PLCE1: variants seen among roughly 807,000 people sequenced by gnomAD.
PLCE1 encodes the protein phospholipase C epsilon 1, also known as 1-phosphatidylinositol 4,5-bisphosphate phosphodiesterase epsilon-1.
A neutral mutation model predicts 242.8 loss-of-function variants in PLCE1; 119 were observed. The observed-to-expected ratio is 0.49, with a 90% confidence interval of 0.42 to 0.57. PLCE1 has a LOEUF of 0.57. Among genes scored for constraint, PLCE1 ranks in the 20% least tolerant of loss-of-function variants. PLCE1 has a pLI of 0.00. For missense variants in PLCE1, 2,441 were observed against 2,788.8 expected, an observed-to-expected ratio of 0.88 and a Z score of 2.81; for synonymous variants, 945 against 1,017.4, an observed-to-expected ratio of 0.93 and a Z score of 1.35.
chr10:94,098,192 G>A (rs1431918940), intron 2 of PLCE1, among the ~76,000 whole-genome samples: 1 of 152,178 alleles, frequency 6.6e-6, no homozygotes, highest in Non-Finnish European at 1.5e-5. Flanking sequence ...CAAAATGGAA[G>A]ATTGCTGGGG....
chr10:94,221,967 C>A (rs1217376434), intron 4 of PLCE1, among the ~76,000 whole-genome samples: 1 of 152,122 alleles, frequency 6.6e-6, no homozygotes, highest in African/African-American at 2.4e-5. Flanking sequence ...AGTGTTCAGG[C>A]CTTTTCCCAA....
In PLCE1 at chr10:94,263,224, C is replaced by T. The variant is rs1214888274; in HGVS notation, c.4053+492C>T. Among the ~76,000 whole-genome samples the T allele has an allele frequency of 3.3e-5, 5 of 151,722 alleles. No individual in the cohort carries two copies. In the East Asian group the frequency reaches 9.7e-4, roughly 29 times the overall value. The stretch of plus-strand genomic sequence containing the variant: ...CCAAGTATGTTTTTTAACAAAATAC[C>T]AAGTATGGGCTGGGTGTGGTGGTTC... On this transcript the variant is annotated intron_variant, in intron 14 of 32. Coordinates refer to ENST00000371380, the MANE Select transcript of PLCE1 (RefSeq NM_016341.4).
intron 4 of PLCE1, among the ~76,000 whole-genome samples, chr10:94,226,439 G>A (rs2049942227): frequency 6.6e-6 from 1 of 152,092 alleles, no homozygotes; most frequent in East Asian, 1.9e-4. Context: ...TCTTAGAATT[G>A]TTGTGAGAGA....
chr10:94,234,340 T>A (rs1240702201), intron 6 of PLCE1, 28 bp downstream of exon 6: 1 of 1,611,342 alleles, frequency 6.2e-7, no homozygotes, highest in Admixed American at 1.7e-5. Context: ...CATCGTGGCC[T>A]GAAGAGCCAC....
At chr10:94,040,119 T>A (rs1262268346) in intron 2 of PLCE1, among the ~76,000 whole-genome samples, 1 of 152,166 alleles carries the variant, frequency 6.6e-6, no homozygotes, top group African/African-American at 2.4e-5. Context: ...CTTTCAAATA[T>A]GATTAAAAAT....
intron 2 of PLCE1, among the ~76,000 whole-genome samples, chr10:94,063,237 C>G (rs1370266300): frequency 3.3e-5 from 5 of 152,214 alleles, no homozygotes; most frequent in Non-Finnish European, 5.9e-5. Context: ...ATCACATACT[C>G]TGCTGTATTC....
chr10:94,168,607 C>T lies in PLCE1; in HGVS notation c.1493-2573C>T, dbSNP rs1298374026. On this transcript the variant is annotated intron_variant, in intron 3 of 32. Transcript: ENST00000371380. ...GGCCTCTCTTATTGCTGTTTCCCAC[C>T]AGTCACTAGACTTGTTATTCATTGT... is the stretch of plus-strand genomic sequence containing the variant. 2.6e-5 allele frequency among the ~76,000 whole-genome samples: 4 copies of T among 152,172 alleles called. No individual in the cohort carries two copies. The East Asian group carries it at 7.7e-4, about 29-fold the overall frequency.
At chr10:94,173,521 AG>A (rs1187159374) in intron 4 of PLCE1, among the ~76,000 whole-genome samples, 1 of 152,216 alleles carries the variant, frequency 6.6e-6, no homozygotes, top group East Asian at 1.9e-4. Flanking sequence ...TCACATCCTT[AG>A]GACCCTATCT....
rs1435468950 is a variant in PLCE1 at position 94,331,789 on chromosome 10, G to A, written c.*3846G>A. ...TTCCTAAAAGCAATCCTTGGCTGAT[G>A]GCTATGGATTCTGACATAGGAATAC... On this transcript the variant is annotated 3_prime_UTR_variant, in exon 33 of 33. Transcript: ENST00000371380. 2 of 151,862 alleles carry A rather than the reference G, an allele frequency of 1.3e-5. No individual in the cohort carries two copies. Among genetic ancestry groups the A allele is most frequent in the Admixed American group, 1.3e-4 (2 of 15,252 alleles). 9.4% of individuals were successfully genotyped at this position (151,862 alleles called of 1,614,324 possible). A position where few individuals can be genotyped will look rare whatever the true frequency, so the allele number is the denominator to read the frequency against.
intron 3 of PLCE1, among the ~76,000 whole-genome samples, chr10:94,135,371 T>C (rs1241033306): frequency 6.6e-6 from 1 of 152,236 alleles, no homozygotes; most frequent in Non-Finnish European, 1.5e-5. Flanking sequence ...GATGGCCATG[T>C]ACTCTGCCAG....
chr10:94,190,400 G>A lies in PLCE1; in HGVS notation c.1809+18904G>A, dbSNP rs538169441. Among the ~76,000 whole-genome samples the A allele has an allele frequency of 2.0e-5, 3 of 152,168 alleles. No homozygotes were observed. In the South Asian group the frequency reaches 6.3e-4, roughly 32 times the overall value. ...GAGGCAAAAGGATTGCTTCAGGCTA[G>A]CAGTTTAAGACCAGCCTGGGAAAAA... On this transcript the variant is annotated intron_variant, in intron 4 of 32. Transcript: ENST00000371380.
At chr10:94,208,941 C>T (rs1356027575) in intron 4 of PLCE1, among the ~76,000 whole-genome samples, 1 of 152,242 alleles carries the variant, frequency 6.6e-6, no homozygotes, top group African/African-American at 2.4e-5. Context: ...CCCCAAACTT[C>T]AGTCCAGGGG....
intron 24 of PLCE1, among the ~76,000 whole-genome samples, chr10:94,299,496 G>A (rs1469317356): frequency 2.6e-5 from 4 of 152,212 alleles, no homozygotes; most frequent in South Asian, 2.1e-4. Flanking sequence ...ACTTGGTTAT[G>A]GGGGAGGAGA....
chr10:94,279,100 A>G (rs2052086161), intron 19 of PLCE1, among the ~76,000 whole-genome samples: 1 of 152,120 alleles, frequency 6.6e-6, no homozygotes, highest in Non-Finnish European at 1.5e-5. Context: ...CATGCAAGTA[A>G]CGTTTCCTAT....
intron 7 of PLCE1, among the ~76,000 whole-genome samples, chr10:94,238,657 G>A (rs980402110): frequency 2.6e-5 from 4 of 152,112 alleles, no homozygotes; most frequent in East Asian, 1.9e-4. Flanking sequence ...TAAACTATGC[G>A]TTTGTATGTT....
chr10:94,304,461 T>G (rs965497211), intron 24 of PLCE1, 21 bp from the exon 25 acceptor site: 1 of 1,610,744 alleles, frequency 6.2e-7, no homozygotes, highest in Admixed American at 1.7e-5. Flanking sequence ...ATATTGGCTT[T>G]CTTTGTTGTT....
intron 3 of PLCE1, among the ~76,000 whole-genome samples, chr10:94,161,434 G>A (rs916458804): frequency 1.3e-5 from 2 of 152,180 alleles, no homozygotes; most frequent in Admixed American, 1.3e-4. Flanking sequence ...GTGAATGGGA[G>A]TTCACTCATG....
chr10:94,118,800 T>C (rs1485325678), intron 2 of PLCE1, among the ~76,000 whole-genome samples: 1 of 152,188 alleles, frequency 6.6e-6, no homozygotes, highest in Admixed American at 6.5e-5. Flanking sequence ...CACACATAGC[T>C]GAGAGTCTCT....
intron 8 of PLCE1, among the ~76,000 whole-genome samples, chr10:94,250,572 A>G (rs185235264): frequency 1.3e-4 from 20 of 152,362 alleles, no homozygotes; most frequent in Non-Finnish European, 2.6e-4. Flanking sequence ...GTGTAAAACA[A>G]AAGAAAGATT....
Sources: allele counts gnomAD v4.1 joint callset (sites outside exome capture counted in the v4.1 genomes callset), GRCh38; gene constraint gnomAD v4.1.1; transcripts MANE v1.5; gene names NCBI Gene and HGNC (gene_info 2026-07-23, HGNC 2026-07-21).